Variants in DLG2 observed in about 807,000 individuals in gnomAD.
The protein encoded by DLG2 is discs large MAGUK scaffold protein 2.
In DLG2, 45 loss-of-function variants were observed where a neutral mutation model predicts 132.5. The ratio of observed to expected loss-of-function variants is 0.34; its 90% confidence interval spans 0.27 to 0.44. DLG2 has a LOEUF of 0.44. DLG2 is among the 20% of genes least tolerant of loss of function. DLG2 has a pLI of 1.00. For synonymous variants in DLG2, 424 were observed against 419.6 expected, an observed-to-expected ratio of 1.01 and a Z score of -0.13; for missense variants, 1,045 against 1,196.9, an observed-to-expected ratio of 0.87 and a Z score of 1.87.
At chr11:84,751,338 T>C (rs551173985) in intron 6 of DLG2, among the ~76,000 whole-genome samples, 1 of 152,246 alleles carries the variant, frequency 6.6e-6, no homozygotes, top group African/African-American at 2.4e-5. Context: ...CTTCATTTTT[T>C]ATATGAAGAA....
intron 13 of DLG2, among the ~76,000 whole-genome samples, chr11:83,963,539 A>AAAAACACCTCCT (rs1458900095): frequency 6.6e-6 from 1 of 151,854 alleles, no homozygotes; most frequent in Non-Finnish European, 1.5e-5. Context: ...TTAGGTGACT[A>AAAAACACCTCCT]AAAACACCTC....
chr11:85,570,682 C>T (rs997005008), intron 3 of DLG2, among the ~76,000 whole-genome samples: 1 of 152,078 alleles, frequency 6.6e-6, no homozygotes, highest in Non-Finnish European at 1.5e-5. Flanking sequence ...CTTTCAAATA[C>T]TTCAAATTTC....
chr11:83,889,873 T>C (rs763262755), intron 15 of DLG2, among the ~76,000 whole-genome samples: 304 of 145,860 alleles, frequency 2.1e-3, no homozygotes, highest in Middle Eastern at 0.011. Flanking sequence ...AAAAACCAAA[T>C]ACCGCATATT....
Position 83,787,312 on chromosome 11 carries a change from GT to G in DLG2, c.1723-521del, listed in dbSNP as rs67059010. On this transcript the variant is annotated intron_variant, in intron 17 of 27. Transcript: ENST00000376104. ...GCCTGGTTAGACAGCCTTAAGCCTT[GT>G]TTTTTTTTTGTTTTTTTTTTTTTTT... Among the ~76,000 whole-genome samples, 10 of 69,616 alleles carry G rather than the reference GT, an allele frequency of 1.4e-4. 1 individual carries two copies. Among genetic ancestry groups the G allele is most frequent in the Admixed American group, 9.3e-4 (7 of 7,562 alleles). 45.7% of individuals were successfully genotyped at this position (69,616 alleles called of 152,430 possible). A position where few individuals can be genotyped will look rare whatever the true frequency, so the allele number is the denominator to read the frequency against.
intron 8 of DLG2, among the ~76,000 whole-genome samples, chr11:84,211,263 T>C (rs1327798677): frequency 1.3e-5 from 2 of 152,228 alleles, no homozygotes; most frequent in African/African-American, 2.4e-5. Context: ...GCATTCCTAT[T>C]ATTGCAGAGA....
chr11:83,965,513 C>T (rs748899412), intron 12 of DLG2, 45 bp from the exon 13 acceptor site: 1 of 1,491,456 alleles, frequency 6.7e-7, no homozygotes, highest in Non-Finnish European at 9.1e-7. Flanking sequence ...ATCTATGGAG[C>T]AGAAGAAAAA....
intron 8 of DLG2, among the ~76,000 whole-genome samples, chr11:84,222,032 A>T (rs2096922975): frequency 6.6e-6 from 1 of 151,706 alleles, no homozygotes; most frequent in African/African-American, 2.4e-5. Flanking sequence ...TTTAAGTTCT[A>T]TTTTTTTTAT....
chr11:85,072,180 A>C (rs2065954196), intron 6 of DLG2, among the ~76,000 whole-genome samples: 1 of 151,824 alleles, frequency 6.6e-6, no homozygotes, highest in Non-Finnish European at 1.5e-5. Context: ...TAATTTTTAC[A>C]ATAGGCCATC....
At chr11:84,791,787 A>C (rs2073883808) in intron 6 of DLG2, among the ~76,000 whole-genome samples, 1 of 152,124 alleles carries the variant, frequency 6.6e-6, no homozygotes, top group African/African-American at 2.4e-5. Context: ...TTGATTTTGT[A>C]TTCTTCAATT....
At chr11:83,802,382 G>C (rs1297028844) in intron 17 of DLG2, among the ~76,000 whole-genome samples, 6 of 152,096 alleles carry the variant, frequency 3.9e-5, no homozygotes, top group African/African-American at 1.4e-4. Context: ...AGATGTGTGT[G>C]TGCTGCTAGG....
intron 3 of DLG2, among the ~76,000 whole-genome samples, chr11:85,575,983 A>G (rs1427260857): frequency 6.6e-6 from 1 of 152,208 alleles, no homozygotes; most frequent in Non-Finnish European, 1.5e-5. Context: ...GAAAAATATA[A>G]TGAATAATTG....
intron 4 of DLG2, among the ~76,000 whole-genome samples, chr11:85,252,394 C>T (rs2076440745): frequency 6.6e-6 from 1 of 152,106 alleles, no homozygotes; most frequent in Non-Finnish European, 1.5e-5. Flanking sequence ...CAAGACCATC[C>T]TGGCTAACAC....
intron 5 of DLG2, among the ~76,000 whole-genome samples, chr11:85,140,625 ATTG>A (rs1461045335): frequency 6.6e-6 from 1 of 151,194 alleles, no homozygotes; most frequent in Non-Finnish European, 1.5e-5. Context: ...TACAATAATT[ATTG>A]TTGACTATAG....
intron 9 of DLG2, among the ~76,000 whole-genome samples, chr11:84,113,749 CAT>C (rs1460399749): frequency 6.6e-6 from 1 of 152,094 alleles, no homozygotes; most frequent in Non-Finnish European, 1.5e-5. Flanking sequence ...TACAAAAATA[CAT>C]GAGTAAAAGG....
At chr11:84,636,540 T>A (rs997144794) in intron 6 of DLG2, among the ~76,000 whole-genome samples, 30 of 152,170 alleles carry the variant, frequency 2.0e-4, no homozygotes, top group African/African-American at 7.2e-4. Flanking sequence ...TTACTGTCAT[T>A]TTGGGTACAA....
rs2089368810 is a variant in DLG2 at position 83,458,671 on chromosome 11, A to T, written c.*1147T>A. On this transcript the variant is annotated 3_prime_UTR_variant, in exon 28 of 28. Coordinates refer to ENST00000376104, the MANE Select transcript of DLG2 (RefSeq NM_001142699.3). ...AATGGTCCTTTAAGAATTGTATGTC[A>T]GTAACTAGGAACAAAGTTATTCAAC... 6.6e-6 allele frequency: 1 copy of T among 152,258 alleles called. No homozygotes were observed. The highest frequency in any genetic ancestry group is 2.4e-5 in the African/African-American group (1 of 41,458). 9.4% of individuals were successfully genotyped at this position (152,258 alleles called of 1,614,324 possible).
intron 6 of DLG2, among the ~76,000 whole-genome samples, chr11:84,913,519 G>T (rs2092260370): frequency 6.6e-6 from 1 of 152,120 alleles, no homozygotes. Flanking sequence ...GAATAAAAAA[G>T]CTTCCCTATT....
At position 83,924,631 on chromosome 11, in the gene DLG2, G is replaced by T. The variant is rs12420468; in HGVS notation, c.1496+5697C>A. Among the ~76,000 whole-genome samples, 872 of 152,068 alleles carry T rather than the reference G, an allele frequency of 5.7e-3. 8 individuals carry two copies. Among genetic ancestry groups the T allele is most frequent in the African/African-American group, 0.02 (826 of 41,480 alleles). ...CTGGACTCGCTATTAAGCTATGAAC[G>T]GAAACAGTCTTTTATAACAGTTCTT... On this transcript the variant is annotated intron_variant, in intron 15 of 27. Coordinates refer to ENST00000376104, the MANE Select transcript of DLG2 (RefSeq NM_001142699.3).
At chr11:84,462,716 ACAT>A (rs2099083733) in intron 7 of DLG2, among the ~76,000 whole-genome samples, 1 of 151,144 alleles carries the variant, frequency 6.6e-6, no homozygotes, top group Non-Finnish European at 1.5e-5. Context: ...GGAAATGACT[ACAT>A]CATCACTCAC....
Sources: gnomAD v4.1 joint callset for allele counts (sites outside exome capture counted in the v4.1 genomes callset) on GRCh38, gnomAD v4.1.1 for gene constraint, MANE v1.5 for transcripts, NCBI Gene and HGNC (gene_info 2026-07-23, HGNC 2026-07-21) for gene names.